TTC7B: variants seen among roughly 807,000 people sequenced by gnomAD.
The protein encoded by TTC7B is tetratricopeptide repeat protein 7B.
A neutral mutation model predicts 106.8 loss-of-function variants in TTC7B; 28 were observed. The observed-to-expected ratio is 0.26, with a 90% CI of 0.19 to 0.36. TTC7B has a LOEUF of 0.36. Ranked by LOEUF, TTC7B falls within the 10% of genes least tolerant of loss-of-function variation. TTC7B has a pLI of 1.00. For missense variants in TTC7B, 862 were observed against 1,076.4 expected (o/e 0.80, Z 2.79); for synonymous variants, 405 against 430.6 (o/e 0.94, Z 0.74).
chr14:90,733,001 G>A (rs1271321637), intron 4 of TTC7B, among the ~76,000 whole-genome samples: 1 of 152,002 alleles, frequency 6.6e-6, no homozygotes, highest in Non-Finnish European at 1.5e-5. Flanking sequence ...CTTGATTTCT[G>A]GCTGTCTCTC....
intron 8 of TTC7B, among the ~76,000 whole-genome samples, chr14:90,678,234 G>A (rs1886917479): frequency 6.6e-6 from 1 of 152,192 alleles, no homozygotes; most frequent in Non-Finnish European, 1.5e-5. Context: ...CTCAGTGGTA[G>A]TTCTGCAAAT....
intron 1 of TTC7B, among the ~76,000 whole-genome samples, chr14:90,798,732 A>AAAAC (rs869302614): frequency 6.1e-5 from 9 of 147,100 alleles, no homozygotes; most frequent in Admixed American, 1.4e-4. Flanking sequence ...AAAAAAAAAA[A>AAAAC]CACGCAATAA....
chr14:90,812,775 G>A (rs1413528831), intron 1 of TTC7B, among the ~76,000 whole-genome samples: 2 of 152,138 alleles, frequency 1.3e-5, no homozygotes, highest in Non-Finnish European at 2.9e-5. Flanking sequence ...ACAGACCTCT[G>A]GGTTCACTTT....
intron 3 of TTC7B, among the ~76,000 whole-genome samples, chr14:90,779,237 T>G (rs1015249485): frequency 2.0e-5 from 3 of 152,256 alleles, no homozygotes; most frequent in Non-Finnish European, 2.9e-5. Context: ...TGAAGTGACC[T>G]CTCCGTATTA....
chr14:90,764,242 A>C (rs973457821), intron 3 of TTC7B, among the ~76,000 whole-genome samples: 6 of 152,182 alleles, frequency 3.9e-5, no homozygotes, highest in Non-Finnish European at 7.4e-5. Context: ...GGGCTGAAAC[A>C]ACTGAAGATC....
chr14:90,565,899 G>T (rs549218690), intron 19 of TTC7B, among the ~76,000 whole-genome samples: 1 of 152,286 alleles, frequency 6.6e-6, no homozygotes, highest in East Asian at 1.9e-4. Flanking sequence ...TATTAAGTTT[G>T]CTGTCTTATA....
intron 1 of TTC7B, among the ~76,000 whole-genome samples, chr14:90,811,484 C>T (rs973621274): frequency 1.3e-5 from 2 of 152,212 alleles, no homozygotes; most frequent in Admixed American, 6.5e-5. Flanking sequence ...TCCACCCCGA[C>T]TCCTCTTCTT....
At chr14:90,756,521 G>A (rs1399551292) in intron 3 of TTC7B, among the ~76,000 whole-genome samples, 1 of 151,924 alleles carries the variant, frequency 6.6e-6, no homozygotes, top group South Asian at 2.1e-4. Flanking sequence ...AGCCTCCCGA[G>A]TAGCTGGGAC....
chr14:90,804,495 G>C (rs2030486226), intron 1 of TTC7B, among the ~76,000 whole-genome samples: 1 of 152,222 alleles, frequency 6.6e-6, no homozygotes, highest in African/African-American at 2.4e-5. Context: ...GGGCCTGAGG[G>C]ACTTCTCCAA....
chr14:90,619,680 G>A (rs184325302), intron 15 of TTC7B, among the ~76,000 whole-genome samples: 12 of 152,300 alleles, frequency 7.9e-5, no homozygotes, highest in African/African-American at 2.6e-4. Flanking sequence ...GTCAAGGCAG[G>A]TGGTGTCTAA....
Position 90,663,478 on chromosome 14 carries a change from T to C in TTC7B, c.1153-5091A>G, listed in dbSNP as rs550887033. Among the ~76,000 whole-genome samples the C allele has an allele frequency of 6.6e-6, 1 of 152,116 alleles. No individual in the cohort carries two copies. Among genetic ancestry groups the C allele is most frequent in the Non-Finnish European group, 1.5e-5 (1 of 67,962 alleles). On this transcript the variant is annotated intron_variant, in intron 9 of 19. Coordinates refer to ENST00000328459, the MANE Select transcript of TTC7B (RefSeq NM_001010854.2). The surrounding 1 kb of genome is among the most constrained non-coding windows in gnomAD (Gnocchi z 4.5). Reference sequence around the variant, plus strand: ...TTTTTTTTGCTGCTAATGGGGACCCTTGCTTGAGGCTACTAAGGACTGAGA... The same window carrying C: ...TTTTTTTTGCTGCTAATGGGGACCCCTGCTTGAGGCTACTAAGGACTGAGA...
intron 1 of TTC7B, among the ~76,000 whole-genome samples, chr14:90,788,218 T>C (rs1891456469): frequency 6.6e-6 from 1 of 151,978 alleles, no homozygotes; most frequent in African/African-American, 2.4e-5. Context: ...CAGAAGACAA[T>C]GAAGTGGCGC....
At position 90,664,394 on chromosome 14, in the gene TTC7B, G is replaced by A. The variant is rs537516667; in HGVS notation, c.1153-6007C>T. Among the ~76,000 whole-genome samples, 695 of 152,056 alleles carry A rather than the reference G, an allele frequency of 4.6e-3. 5 individuals are homozygous for A. The highest frequency in any genetic ancestry group is 0.015 in the African/African-American group (640 of 41,444). ...AAGCGATTCGCCTGCCTCAGCCTCC[G>A]GAGTAGCTGGGATTACAGGTGCCCG... On this transcript the variant is annotated intron_variant, in intron 9 of 19. Transcript: ENST00000328459.
At chr14:90,754,986 A>G (rs1449122530) in intron 3 of TTC7B, among the ~76,000 whole-genome samples, 1 of 152,226 alleles carries the variant, frequency 6.6e-6, no homozygotes, top group African/African-American at 2.4e-5. Flanking sequence ...CTTCAGTAGC[A>G]TTTAGCACAT....
intron 2 of TTC7B, among the ~76,000 whole-genome samples, chr14:90,782,166 A>G (rs1016634897): frequency 1.3e-5 from 2 of 152,118 alleles, no homozygotes; most frequent in Non-Finnish European, 2.9e-5. Context: ...GACATCAGGC[A>G]GCATTGGAAA....
chr14:90,781,158 A>G (rs1431221915), intron 2 of TTC7B, among the ~76,000 whole-genome samples: 1 of 152,256 alleles, frequency 6.6e-6, no homozygotes, highest in Non-Finnish European at 1.5e-5. Flanking sequence ...TTATGCTACA[A>G]CATAGACGAA....
chr14:90,661,365 G>T (rs554892863), intron 9 of TTC7B, among the ~76,000 whole-genome samples: 1 of 152,198 alleles, frequency 6.6e-6, no homozygotes, highest in Non-Finnish European at 1.5e-5. Context: ...GGAGCACAGC[G>T]GGGAGGCAGA....
chr14:90,786,598 A>G, intron 1 of TTC7B, among the ~76,000 whole-genome samples: 1 of 150,488 alleles, frequency 6.6e-6, no homozygotes, highest in African/African-American at 2.4e-5. Flanking sequence ...TTTTTTTTTG[A>G]GATGGAGTTT....
chr14:90,728,337 CAAAAAAAAAAA>C (rs35504744), intron 5 of TTC7B, among the ~76,000 whole-genome samples: 14 of 40,050 alleles, frequency 3.5e-4, no homozygotes, highest in East Asian at 1.1e-3. Context: ...GTCCCCCCCG[CAAAAAAAAAAA>C]AAAAAAAAAA....
Sources: allele counts gnomAD v4.1 joint callset (sites outside exome capture counted in the v4.1 genomes callset), GRCh38; gene constraint gnomAD v4.1.1; non-coding constraint Gnocchi (gnomAD v3.1); transcripts MANE v1.5; gene names NCBI Gene and HGNC (gene_info 2026-07-23, HGNC 2026-07-21).